CLEC7A: variants seen among roughly 807,000 people sequenced by gnomAD.
The protein encoded by CLEC7A is C-type lectin domain family 7 member A.
In CLEC7A, 25 loss-of-function variants were observed where a neutral mutation model predicts 26.9. The observed-to-expected ratio is 0.93, with a 90% CI of 0.68 to 1.30. The LOEUF (loss-of-function observed/expected upper bound fraction) is 1.30. Among genes scored for constraint, CLEC7A ranks in the 50% most tolerant of loss-of-function variants. The probability of loss-of-function intolerance (pLI) is 0.00; values close to 1 mark genes in which losing one functional copy is unlikely to be tolerated. For missense variants in CLEC7A, 275 were observed against 286.7 expected, an observed-to-expected ratio of 0.96 and a Z score of 0.29; for synonymous variants, 100 against 99.5, an observed-to-expected ratio of 1.01 and a Z score of -0.03.
intron 3 of CLEC7A, chr12:10,126,219 G>C (rs1038742933): frequency 1.0e-6 from 1 of 981,780 alleles, no homozygotes; most frequent in Non-Finnish European, 1.2e-6. Context: ...TAACTGTATC[G>C]CATTTAAAAT....
chr12:10,125,042 C>T (rs1345814760), intron 4 of CLEC7A: 4 of 459,046 alleles, frequency 8.7e-6, no homozygotes, highest in African/African-American at 6.0e-5. Flanking sequence ...ATGAAAAATA[C>T]AAAAAAACAT....
chr12:10,125,688 CT>C (rs953383766), intron 3 of CLEC7A, among the ~76,000 whole-genome samples: 10 of 152,122 alleles, frequency 6.6e-5, no homozygotes, highest in African/African-American at 1.7e-4. Context: ...GCCAACCATC[CT>C]TTTTTTCTTC....
intron 5 of CLEC7A, among the ~76,000 whole-genome samples, chr12:10,121,865 G>C (rs561270391): frequency 6.6e-6 from 1 of 152,008 alleles, no homozygotes; most frequent in Non-Finnish European, 1.5e-5. Flanking sequence ...AAAATTAGCC[G>C]GGCATGGTGG....
chr12:10,119,847 A>C (rs28401582), intron 5 of CLEC7A, among the ~76,000 whole-genome samples: 3,231 of 137,276 alleles, frequency 0.024, 114 homozygotes, highest in African/African-American at 0.1. Flanking sequence ...GTAAAAAAAA[A>C]AACAAACAGA....
At position 10,123,170 on chromosome 12, in the gene CLEC7A, C is replaced by G. The variant is rs7137840; in HGVS notation, c.611+75G>C. ...TGAGCAAATCAGGTTCTTAGCTGCT[C>G]GACAGAGGTTTTCATAGATGAGATG... On this transcript the variant is annotated intron_variant, in intron 5 of 5. Coordinates refer to ENST00000304084, the MANE Select transcript of CLEC7A (RefSeq NM_197947.3). 1.4e-3 allele frequency: 1,255 copies of G among 917,656 alleles called. 8 individuals are homozygous for G. The African/African-American group carries it at 0.019, about 14-fold the overall frequency. The allele number at this position is 917,656 out of a possible 1,614,324, so 56.8% of individuals were successfully genotyped here.
chr12:10,124,638 T>C (rs576507490), intron 4 of CLEC7A: 2 of 152,152 alleles, frequency 1.3e-5, no homozygotes, highest in South Asian at 4.2e-4. Context: ...TTTCTAAACA[T>C]ATATTATCAT....
chr12:10,126,884 A>G lies in CLEC7A; in HGVS notation c.203-176T>C, dbSNP rs1948305314. 8.7e-6 allele frequency: 6 copies of G among 688,226 alleles called. No individual in the cohort carries two copies. The South Asian group carries it at 1.5e-4, about 18-fold the overall frequency. 42.6% of individuals were successfully genotyped at this position (688,226 alleles called of 1,614,324 possible). On this transcript the variant is annotated intron_variant, in intron 2 of 5. Transcript: ENST00000304084. The stretch of plus-strand genomic sequence containing the variant: ...GACGATTGATAGAATAGATGAAAAG[A>G]AATACATAACTTTTATAAAGGAGGT...
Position 10,122,484 on chromosome 12 carries a change from C to CTTTT in CLEC7A, c.611+757_611+760dup, listed in dbSNP as rs143612827. Among the ~76,000 whole-genome samples, 1,241 of 128,564 alleles carry CTTTT rather than the reference C, an allele frequency of 9.7e-3. 37 individuals carry two copies. Among genetic ancestry groups the CTTTT allele is most frequent in the African/African-American group, 0.033 (1,053 of 31,722 alleles). The allele number at this position is 128,564 out of a possible 152,430, so 84.3% of individuals were successfully genotyped here. On this transcript the variant is annotated intron_variant, in intron 5 of 5. Transcript: ENST00000304084. ...AGAGGAAAGCACTCTTTCTTTTTTT[C>CTTTT]TTTTTTTTTTTTTTTTTTTTTGAGT...
chr12:10,121,476 C>T (rs745746008), intron 5 of CLEC7A, among the ~76,000 whole-genome samples: 8 of 140,954 alleles, frequency 5.7e-5, no homozygotes, highest in East Asian at 3.8e-4. Context: ...GGAAGAAGCA[C>T]GTAAAAATCA....
chr12:10,118,316 A>G lies in CLEC7A; in HGVS notation c.*142T>C, dbSNP rs1331065155. ...ACAGAAATCACAGCCTCTCCCTTCA[A>G]TTTCTTGGTTAAGATTACAGTTGGC... On this transcript the variant is annotated 3_prime_UTR_variant, in exon 6 of 6. Coordinates refer to ENST00000304084, the MANE Select transcript of CLEC7A (RefSeq NM_197947.3). The G allele has an allele frequency of 1.6e-5, 12 of 736,252 alleles. No individual in the cohort carries two copies. The highest frequency in any genetic ancestry group is 3.0e-5 in the Admixed American group (1 of 33,398). 45.6% of individuals were successfully genotyped at this position (736,252 alleles called of 1,614,324 possible). A position where few individuals can be genotyped will look rare whatever the true frequency, so the allele number is the denominator to read the frequency against.
At chr12:10,124,179 A>G (rs1948197416) in intron 4 of CLEC7A, among the ~76,000 whole-genome samples, 1 of 152,272 alleles carries the variant, frequency 6.6e-6, no homozygotes, top group Non-Finnish European at 1.5e-5. Flanking sequence ...ATTTTCAATT[A>G]TAGGCTGGCC....
intron 4 of CLEC7A, chr12:10,125,090 C>T: frequency 1.6e-6 from 1 of 636,890 alleles, no homozygotes. Context: ...GTCCTACCTA[C>T]TCAGGAAGCT....
chr12:10,117,129 G>A lies in CLEC7A; in HGVS notation c.*1329C>T, dbSNP rs577169427. The stretch of plus-strand genomic sequence containing the variant: ...GTTAATACTTGTTCCAATGAGGTTG[G>A]TTACTTTTTTATATTCATCATCAGA... On this transcript the variant is annotated 3_prime_UTR_variant, in exon 6 of 6. Coordinates refer to ENST00000304084, the MANE Select transcript of CLEC7A (RefSeq NM_197947.3). The A allele has an allele frequency of 6.6e-6, 1 of 152,162 alleles. No homozygotes were observed. Among genetic ancestry groups the A allele is most frequent in the African/African-American group, 2.4e-5 (1 of 41,508 alleles). 9.4% of individuals were successfully genotyped at this position (152,162 alleles called of 1,614,324 possible). A position where few individuals can be genotyped will look rare whatever the true frequency, so the allele number is the denominator to read the frequency against.
intron 1 of CLEC7A, 50 bp from the exon 2 acceptor site, chr12:10,127,895 T>G: frequency 7.9e-7 from 1 of 1,267,602 alleles, no homozygotes; most frequent in Non-Finnish European, 1.1e-6. Context: ...GAATGACGGA[T>G]GGTGGGGCAG....
intron 5 of CLEC7A, among the ~76,000 whole-genome samples, chr12:10,120,481 C>G (rs1420791544): frequency 1.3e-5 from 2 of 151,880 alleles, no homozygotes; most frequent in African/African-American, 4.8e-5. Context: ...CTGTAATGTA[C>G]AGTTGGAAAG....
Position 10,130,036 on chromosome 12 carries a change from G to T in CLEC7A, c.47C>A (p.Thr16Asn). Residue 16 changes from threonine to asparagine, a missense_variant, in exon 1 of 6, where the codon ACT (threonine) becomes AAT (asparagine). Coordinates refer to ENST00000304084, the MANE Select transcript of CLEC7A (RefSeq NM_197947.3). ...DLENLDEDGY[T>N]QLHFDSQSNT... ...GCTTTGAGAGTCGAAGTGTAATTGA[G>T]TATATCCATCTTCATCCAAATTTTC... 2 of 1,610,982 alleles carry T rather than the reference G, an allele frequency of 1.2e-6. No homozygotes were observed. Among genetic ancestry groups the T allele is most frequent in the Non-Finnish European group, 8.5e-7 (1 of 1,177,226 alleles).
At position 10,128,970 on chromosome 12, in the gene CLEC7A, A is replaced by G. The variant is rs186293069; in HGVS notation, c.103+1010T>C. On this transcript the variant is annotated intron_variant, in intron 1 of 5. Coordinates refer to ENST00000304084, the MANE Select transcript of CLEC7A (RefSeq NM_197947.3). Reference sequence around the variant, plus strand: ...ATTTTGTATGAACATTGCCATAACCAGAATGTATTTCTGCTTTCCACTGTG... The same window carrying G: ...ATTTTGTATGAACATTGCCATAACCGGAATGTATTTCTGCTTTCCACTGTG... Among the ~76,000 whole-genome samples, 141 of 152,322 alleles carry G rather than the reference A, an allele frequency of 9.3e-4. 1 individual carries two copies. Among genetic ancestry groups the G allele is most frequent in the Admixed American group, 4.5e-3 (69 of 15,298 alleles).
chr12:10,129,992 C>T lies in CLEC7A; in HGVS notation c.91G>A (p.Val31Ile), dbSNP rs759125095. The change falls in exon 1 of 6, where the codon GTT becomes ATT. Residue 31 changes from valine to isoleucine, a missense_variant. Physicochemically the swap from Val to Ile is conservative, Grantham distance 29. Transcript: ENST00000304084. ...DSQSNTRIAV[V>I]SEKGSCAASP... is the part of the protein sequence containing the mutation. The stretch of plus-strand genomic sequence containing the variant: ...AACATATATATACCTTTCTCTGAAA[C>T]AACAGCTATCCTGGTATTGCTTTGA... 6.3e-7 allele frequency: 1 copy of T among 1,596,644 alleles called. No homozygotes were observed. The highest frequency in any genetic ancestry group is 1.1e-5 in the South Asian group (1 of 90,690).
Position 10,118,085 on chromosome 12 carries a change from C to T in CLEC7A, c.*373G>A. 5.1e-6 allele frequency: 1 copy of T among 194,844 alleles called. No individual in the cohort carries two copies. The highest frequency in any genetic ancestry group is 1.0e-5 in the Non-Finnish European group (1 of 95,904). The allele number at this position is 194,844 out of a possible 1,614,324, so 12.1% of individuals were successfully genotyped here. ...TGGCATGGTGGCATGCACCTGTAGT[C>T]CCAGCTACTTGAGGGGCTGAGGCGA... is the stretch of plus-strand genomic sequence containing the variant. On this transcript the variant is annotated 3_prime_UTR_variant, in exon 6 of 6. Transcript: ENST00000304084.
Sources: allele counts gnomAD v4.1 joint callset (sites outside exome capture counted in the v4.1 genomes callset), GRCh38; gene constraint gnomAD v4.1.1; transcripts MANE v1.5; gene names NCBI Gene and HGNC (gene_info 2026-07-23, HGNC 2026-07-21).